The following DPY19L3 variants were observed in gnomAD, a reference collection of about 807,000 sequenced individuals.
The protein encoded by DPY19L3 is protein C-mannosyl-transferase DPY19L3.
DPY19L3 carries 51 observed loss-of-function variants against 92.3 expected under a neutral mutation model. The ratio of observed to expected loss-of-function variants is 0.55; its 90% CI spans 0.44 to 0.70. The LOEUF is 0.70. Among genes scored for constraint, DPY19L3 ranks in the 30% least tolerant of loss-of-function variants. DPY19L3 has a pLI of 0.00. For synonymous variants in DPY19L3, 309 were observed against 315.2 expected, an observed-to-expected ratio of 0.98 and a Z score of 0.21; for missense variants, 706 against 855.9, an observed-to-expected ratio of 0.82 and a Z score of 2.18.
intron 3 of DPY19L3, among the ~76,000 whole-genome samples, chr19:32,415,959 A>G (rs1222917313): frequency 1.3e-5 from 2 of 152,224 alleles, no homozygotes; most frequent in African/African-American, 2.4e-5. Flanking sequence ...ACATGATATT[A>G]TAGAAGGAAC....
At chr19:32,415,172 A>C in intron 3 of DPY19L3, among the ~76,000 whole-genome samples, 1 of 152,248 alleles carries the variant, frequency 6.6e-6, no homozygotes, top group East Asian at 1.9e-4. Flanking sequence ...GTCAGTATCC[A>C]GACAATTACA....
rs768322892 is a variant in DPY19L3 at position 32,485,222 on chromosome 19, T to C, written c.*2982T>C. 2 of 152,270 alleles carry C rather than the reference T, an allele frequency of 1.3e-5. No individual in the cohort carries two copies. Among genetic ancestry groups the C allele is most frequent in the African/African-American group, 2.4e-5 (1 of 41,478 alleles). The allele number at this position is 152,270 out of a possible 1,614,324, so 9.4% of individuals were successfully genotyped here. On this transcript the variant is annotated 3_prime_UTR_variant, in exon 19 of 19. Coordinates refer to ENST00000392250, the MANE Select transcript of DPY19L3 (RefSeq NM_001172774.2). ...CTACTGATACTGATCACAATAGTTA[T>C]TAGAGATTCTAATTTAGTTGGAAGG...
chr19:32,480,323 G>A (rs1970633902), intron 17 of DPY19L3, 76 bp from the exon 18 acceptor site: 2 of 1,504,974 alleles, frequency 1.3e-6, no homozygotes, highest in Non-Finnish European at 1.8e-6. Flanking sequence ...CAGCCCTGTG[G>A]AAGGTTACAT....
chr19:32,439,893 A>C lies in DPY19L3; in HGVS notation c.838A>C (p.Met280Leu). 3 of 1,613,368 alleles carry C rather than the reference A, an allele frequency of 1.9e-6. No homozygotes were observed. The highest frequency in any genetic ancestry group is 3.3e-4 in the Middle Eastern group (2 of 6,062). The change falls in exon 8 of 19, where the codon ATG becomes CTG. Residue 280 changes from methionine to leucine, a missense_variant. Met to Leu is a conservative substitution (Grantham distance 15). Coordinates refer to ENST00000392250, the MANE Select transcript of DPY19L3 (RefSeq NM_001172774.2). ...GCTGTTCACACTGGACTCCCTGGACATGCTGCCAGCAGTGAAGGTGAGCTT... is the reference window on the plus strand; with the variant it reads ...GCTGTTCACACTGGACTCCCTGGACCTGCTGCCAGCAGTGAAGGTGAGCTT... ...LVLFTLDSLDMLPAVKATWLY... is the reference protein window; with the variant it reads ...LVLFTLDSLDLLPAVKATWLY...
intron 8 of DPY19L3, among the ~76,000 whole-genome samples, chr19:32,449,737 G>A (rs1223818723): frequency 6.6e-6 from 1 of 152,160 alleles, no homozygotes; most frequent in African/African-American, 2.4e-5. Context: ...ATGAAGTTGA[G>A]CCCCTTCCTC....
At chr19:32,455,358 C>T (rs940932011) in intron 10 of DPY19L3, among the ~76,000 whole-genome samples, 2 of 152,122 alleles carry the variant, frequency 1.3e-5, no homozygotes, top group African/African-American at 2.4e-5. Flanking sequence ...TCAGTTTTAA[C>T]TTTGTCTTAG....
intron 16 of DPY19L3, among the ~76,000 whole-genome samples, chr19:32,471,319 C>T (rs1402583385): frequency 6.6e-6 from 1 of 152,226 alleles, no homozygotes; most frequent in African/African-American, 2.4e-5. Flanking sequence ...GCCTGTCTTC[C>T]TGTCTGCCCT....
chr19:32,477,505 A>G lies in DPY19L3; in HGVS notation c.1698-17A>G. The G allele has an allele frequency of 6.2e-7, 1 of 1,613,796 alleles. No homozygotes were observed. Among genetic ancestry groups the G allele is most frequent in the Non-Finnish European group, 8.5e-7 (1 of 1,179,908 alleles). On this transcript the variant is annotated splice_polypyrimidine_tract_variant and intron_variant, in intron 16 of 18. Transcript: ENST00000392250. ...TCTCTTAACAGTGGGGTTAATTCAG[A>G]CTCTAAAATCTTTCAGCTCTAACAC...
rs1410770526 is a variant in DPY19L3, at chr19:32,484,841, C to T, written c.*2601C>T. 8 of 152,152 alleles carry T rather than the reference C, an allele frequency of 5.3e-5. No individual in the cohort carries two copies. In the East Asian group the frequency reaches 1.3e-3, roughly 26 times the overall value. 9.4% of individuals were successfully genotyped at this position (152,152 alleles called of 1,614,324 possible). ...TTTTCTGTAAAAATTAAGTTGAATA[C>T]TTTGGTAAAAAGTGATAAAGGCTGA... On this transcript the variant is annotated 3_prime_UTR_variant, in exon 19 of 19. Coordinates refer to ENST00000392250, the MANE Select transcript of DPY19L3 (RefSeq NM_001172774.2).
Position 32,463,412 on chromosome 19 carries a change from G to GT in DPY19L3, c.1371dup (p.Asp458Ter). 6.2e-7 allele frequency: 1 copy of GT among 1,613,858 alleles called. No individual in the cohort carries two copies. Among genetic ancestry groups the GT allele is most frequent in the Non-Finnish European group, 8.5e-7 (1 of 1,179,822 alleles). On this transcript the variant is annotated frameshift_variant, in exon 13 of 19. Coordinates refer to ENST00000392250, the MANE Select transcript of DPY19L3 (RefSeq NM_001172774.2). LOFTEE classifies it high-confidence loss of function. Reference sequence around the variant, plus strand: ...CGTGGGTAAAATGGAAAAAGGCACAGTTGACCTGAAACCAGAAACTGCCTA... The same window carrying GT: ...CGTGGGTAAAATGGAAAAAGGCACAGTTTGACCTGAAACCAGAAACTGCCTA...
intron 18 of DPY19L3, 45 bp from the exon 19 acceptor site, chr19:32,482,034 T>C (rs1400352320): frequency 1.3e-6 from 2 of 1,594,906 alleles, no homozygotes; most frequent in East Asian, 2.2e-5. Flanking sequence ...CTTTTGTAAA[T>C]AGAATTTTCC....
intron 16 of DPY19L3, among the ~76,000 whole-genome samples, chr19:32,473,404 C>T (rs900139109): frequency 6.6e-6 from 1 of 152,150 alleles, no homozygotes; most frequent in African/African-American, 2.4e-5. Flanking sequence ...AGCACATTAG[C>T]TATTTTAGAT....
At chr19:32,478,191 T>C (rs1970569674) in intron 17 of DPY19L3, among the ~76,000 whole-genome samples, 1 of 152,100 alleles carries the variant, frequency 6.6e-6, no homozygotes, top group African/African-American at 2.4e-5. Context: ...TGCCTGCCCA[T>C]ATCCACTAAG....
chr19:32,468,449 A>C, intron 15 of DPY19L3: 1 of 1,098,900 alleles, frequency 9.1e-7, no homozygotes, highest in Non-Finnish European at 1.1e-6. Flanking sequence ...ATCACATACA[A>C]TAGCATTTCT....
chr19:32,462,381 A>C lies in DPY19L3; in HGVS notation c.1323-985A>C, dbSNP rs183985571. 1.3e-3 allele frequency among the ~76,000 whole-genome samples: 196 copies of C among 152,334 alleles called. 1 individual carries two copies. The highest frequency in any genetic ancestry group is 1.5e-3 in the Non-Finnish European group (99 of 68,036). On this transcript the variant is annotated intron_variant, in intron 12 of 18. Transcript: ENST00000392250. The stretch of plus-strand genomic sequence containing the variant: ...ACAGAATAGCATGTAATTCAAAACT[A>C]TGAATGGTTTATTTCTGGAATTTTC...
intron 8 of DPY19L3, among the ~76,000 whole-genome samples, chr19:32,443,849 A>G (rs7253808): frequency 0.19 from 29,543 of 151,918 alleles, 4,144 homozygotes; most frequent in East Asian, 0.45. Flanking sequence ...ATTTGAAGTC[A>G]GTTTGAGATC....
intron 3 of DPY19L3, among the ~76,000 whole-genome samples, chr19:32,431,624 A>G (rs576254912): frequency 6.6e-6 from 1 of 152,330 alleles, no homozygotes; most frequent in East Asian, 1.9e-4. Context: ...TCTTGGGGAT[A>G]GGATTCAGGT....
At chr19:32,450,144 G>T (rs765853622) in intron 8 of DPY19L3, among the ~76,000 whole-genome samples, 2 of 152,060 alleles carry the variant, frequency 1.3e-5, no homozygotes, top group African/African-American at 4.8e-5. Context: ...GATGCTCAGC[G>T]TCATTAGCTA....
chr19:32,422,048 C>G (rs1381268941), intron 3 of DPY19L3, among the ~76,000 whole-genome samples: 4 of 152,158 alleles, frequency 2.6e-5, no homozygotes, highest in Non-Finnish European at 5.9e-5. Context: ...GCCTCACCCC[C>G]ACATGAACTT....
Sources: allele counts gnomAD v4.1 joint callset (sites outside exome capture counted in the v4.1 genomes callset), GRCh38; gene constraint gnomAD v4.1.1; transcripts MANE v1.5; gene names NCBI Gene and HGNC (gene_info 2026-07-23, HGNC 2026-07-21).